NKD1: variants seen among roughly 807,000 people sequenced by gnomAD.
NKD1 encodes the protein protein naked cuticle homolog 1.
Under a neutral mutation model 56.0 loss-of-function variants are expected in NKD1, and 21 were observed. That is an observed-to-expected ratio of 0.38 (90% CI 0.27 to 0.54). NKD1 has a LOEUF of 0.54. Among genes scored for constraint, NKD1 ranks in the 20% least tolerant of loss-of-function variants. The pLI, the probability that NKD1 is intolerant of heterozygous loss-of-function variation, is 0.82. For missense variants in NKD1, 578 were observed against 642.7 expected, an observed-to-expected ratio of 0.90 and a Z score of 1.09; for synonymous variants, 263 against 265.7, an observed-to-expected ratio of 0.99 and a Z score of 0.10.
In NKD1 at chr16:50,644,880, T is replaced by C. The variant is rs1962646419; in HGVS notation, c.*11099T>C. ...TCACTGGGGAGAAAGAATTTGGCAT[T>C]CGAGTATCTCACCCCGTCTTGCTAA... On this transcript the variant is annotated 3_prime_UTR_variant, in exon 10 of 10. Transcript: ENST00000268459. 6.6e-6 allele frequency: 1 copy of C among 152,236 alleles called. No homozygotes were observed. Among genetic ancestry groups the C allele is most frequent in the African/African-American group, 2.4e-5 (1 of 41,450 alleles). The allele number at this position is 152,236 out of a possible 1,614,324, so 9.4% of individuals were successfully genotyped here.
At chr16:50,610,386 C>T (rs780031855) in intron 4 of NKD1, among the ~76,000 whole-genome samples, 1 of 152,188 alleles carries the variant, frequency 6.6e-6, no homozygotes, top group East Asian at 1.9e-4. Flanking sequence ...CATCTGTGGT[C>T]CTCTGGCACC....
intron 3 of NKD1, chr16:50,573,767 G>A (rs922920747): frequency 2.1e-6 from 2 of 966,884 alleles, no homozygotes; most frequent in Non-Finnish European, 1.2e-6. Flanking sequence ...TGAATAACCT[G>A]GGTTCAGCTC....
rs12918439 is a variant in NKD1, at chr16:50,640,192, C to G, written c.*6411C>G. 2 of 152,304 alleles carry G rather than the reference C, an allele frequency of 1.3e-5. No homozygotes were observed. The highest frequency in any genetic ancestry group is 4.8e-5 in the African/African-American group (2 of 41,508). The allele number at this position is 152,304 out of a possible 1,614,324, so 9.4% of individuals were successfully genotyped here. ...TGGAGGAACTGCCAGGAACTAAGGG[C>G]GAGCACTGGAGAAGGCAACCTGGGA... On this transcript the variant is annotated 3_prime_UTR_variant, in exon 10 of 10. Transcript: ENST00000268459.
chr16:50,609,625 T>G (rs1357887025), intron 4 of NKD1, among the ~76,000 whole-genome samples: 3 of 152,102 alleles, frequency 2.0e-5, no homozygotes, highest in Non-Finnish European at 2.9e-5. Context: ...CTGTTATAAA[T>G]ATAGAATCTC....
chr16:50,566,118 G>T (rs940373475), intron 3 of NKD1: 1 of 983,526 alleles, frequency 1.0e-6, no homozygotes. Flanking sequence ...AGCAGCTTCA[G>T]GGGGAGCTTG....
intron 6 of NKD1, among the ~76,000 whole-genome samples, chr16:50,629,905 C>T (rs1962304504): frequency 6.6e-6 from 1 of 152,214 alleles, no homozygotes; most frequent in Non-Finnish European, 1.5e-5. Context: ...CACACACTCC[C>T]TCCAGGGCCC....
At chr16:50,613,455 A>C (rs780172355) in intron 4 of NKD1, 13 of 152,170 alleles carry the variant, frequency 8.5e-5, no homozygotes, top group African/African-American at 2.9e-4. Flanking sequence ...GCAGGTGCCC[A>C]TGCCCCGCCG....
intron 3 of NKD1, among the ~76,000 whole-genome samples, chr16:50,562,983 A>ACCCCC (rs1483596865): frequency 1.3e-4 from 7 of 53,494 alleles, no homozygotes; most frequent in African/African-American, 2.0e-4. Context: ...AGGTCCCACC[A>ACCCCC]CCACCCCCCC....
intron 4 of NKD1, chr16:50,615,991 C>G: frequency 2.3e-6 from 1 of 443,016 alleles, no homozygotes; most frequent in Non-Finnish European, 4.6e-6. Context: ...CAGATTTACC[C>G]GCCTAATTAT....
chr16:50,630,773 G>A, intron 7 of NKD1, 53 bp from the exon 8 acceptor site: 2 of 1,482,270 alleles, frequency 1.3e-6, no homozygotes, highest in Non-Finnish European at 1.8e-6. Flanking sequence ...CCTGGGGAGG[G>A]TGGGAGCAGG....
chr16:50,589,766 C>G (rs368073174), intron 3 of NKD1, among the ~76,000 whole-genome samples: 1 of 57,932 alleles, frequency 1.7e-5, no homozygotes, highest in African/African-American at 7.8e-5. Context: ...TCTCTTCTCT[C>G]CTCTCCTCTC....
intron 3 of NKD1, 136 bp from the exon 4 acceptor site, chr16:50,608,158 T>C: frequency 1.4e-6 from 1 of 728,480 alleles, no homozygotes; most frequent in Non-Finnish European, 2.5e-6. Flanking sequence ...ACTTTTCAGG[T>C]GCAATAGGAT....
rs1454042622 is a variant in NKD1 at position 50,641,802 on chromosome 16, T to TG, written c.*8025dup. 2 of 152,448 alleles carry TG rather than the reference T, an allele frequency of 1.3e-5. No individual in the cohort carries two copies. Among genetic ancestry groups the TG allele is most frequent in the African/African-American group, 4.8e-5 (2 of 41,438 alleles). 9.4% of individuals were successfully genotyped at this position (152,448 alleles called of 1,614,324 possible). ...GGGAGGACTTTCATGGGGAAGTCTT[T>TG]GGGGCAGTCCTGGAGACCCTCACAA... is the stretch of plus-strand genomic sequence containing the variant. On this transcript the variant is annotated 3_prime_UTR_variant, in exon 10 of 10. Coordinates refer to ENST00000268459, the MANE Select transcript of NKD1 (RefSeq NM_033119.5).
In NKD1 at chr16:50,635,547, A is replaced by C. The variant is rs996345928; in HGVS notation, c.*1766A>C. ...GAGTTTGGGTTTAATGTAGTTAGTA[A>C]GGAGTTACTTCCAAAGGTAGTGGGC... On this transcript the variant is annotated 3_prime_UTR_variant, in exon 10 of 10. Coordinates refer to ENST00000268459, the MANE Select transcript of NKD1 (RefSeq NM_033119.5). This position sits in a 1 kb window ranked among gnomAD's most constrained non-coding sequence, Gnocchi z 4.1. 6.6e-6 allele frequency: 1 copy of C among 152,206 alleles called. No individual in the cohort carries two copies. Among genetic ancestry groups the C allele is most frequent in the African/African-American group, 2.4e-5 (1 of 41,442 alleles). 9.4% of individuals were successfully genotyped at this position (152,206 alleles called of 1,614,324 possible). A position where few individuals can be genotyped will look rare whatever the true frequency, so the allele number is the denominator to read the frequency against.
chr16:50,607,485 C>T (rs527555445), intron 3 of NKD1: 6 of 162,084 alleles, frequency 3.7e-5, no homozygotes, highest in South Asian at 3.3e-4. Context: ...TTTTGAGAAC[C>T]GCTACCATAG....
intron 3 of NKD1, among the ~76,000 whole-genome samples, chr16:50,579,738 G>A (rs1261940854): frequency 7.4e-6 from 1 of 135,382 alleles, no homozygotes; most frequent in Non-Finnish European, 1.6e-5. Flanking sequence ...AACCCGCCAC[G>A]CATGCACTGT....
At chr16:50,571,668 CTG>C (rs1596712803) in intron 3 of NKD1, 1 of 304,382 alleles carries the variant, frequency 3.3e-6, no homozygotes, top group African/African-American at 2.3e-5. Flanking sequence ...ATCTATGACT[CTG>C]TGAATCTCAG....
At chr16:50,566,699 G>T (rs2151265512) in intron 3 of NKD1, among the ~76,000 whole-genome samples, 1 of 152,356 alleles carries the variant, frequency 6.6e-6, no homozygotes, top group South Asian at 2.1e-4. Flanking sequence ...GGCTGGGTAA[G>T]GACAGGGCAG....
intron 8 of NKD1, among the ~76,000 whole-genome samples, chr16:50,631,371 A>T (rs186388442): frequency 1.4e-3 from 213 of 152,220 alleles, no homozygotes; most frequent in Middle Eastern, 6.8e-3. Context: ...TTCACCTGTT[A>T]CTTCTTCAGC....
Sources: gnomAD v4.1 joint callset for allele counts (sites outside exome capture counted in the v4.1 genomes callset) on GRCh38, gnomAD v4.1.1 for gene constraint, Gnocchi (gnomAD v3.1) non-coding constraint, MANE v1.5 for transcripts, NCBI Gene and HGNC (gene_info 2026-07-23, HGNC 2026-07-21) for gene names.